C3orf70: variants seen among roughly 807,000 people sequenced by gnomAD.
C3orf70 encodes UPF0524 protein C3orf70.
C3orf70 carries 15 observed loss-of-function variants against 20.7 expected under a neutral mutation model. The observed-to-expected ratio is 0.72, with a 90% CI of 0.48 to 1.11. The LOEUF is 1.11. C3orf70 is among the 50% of genes most tolerant of loss of function. The pLI is 0.00. For missense variants in C3orf70, 332 were observed against 317.6 expected (o/e 1.05, Z -0.34); for synonymous variants, 161 against 125.7 (o/e 1.28, Z -1.88).
intron 1 of C3orf70, among the ~76,000 whole-genome samples, chr3:185,141,436 C>T (rs1337153026): frequency 6.6e-6 from 1 of 151,058 alleles, no homozygotes; most frequent in African/African-American, 2.4e-5. Context: ...GAAATGAAGA[C>T]TATGTTCAAG....
At chr3:185,146,814 A>G (rs1716886713) in intron 1 of C3orf70, among the ~76,000 whole-genome samples, 1 of 152,218 alleles carries the variant, frequency 6.6e-6, no homozygotes, top group South Asian at 2.1e-4. Flanking sequence ...TAGAAGCACA[A>G]AAACAGAATA....
rs573316833 is a variant in C3orf70 at position 185,135,879 on chromosome 3, A to G, written c.196+16749T>C. On this transcript the variant is annotated intron_variant, in intron 1 of 1. Coordinates refer to ENST00000335012, the MANE Select transcript of C3orf70 (RefSeq NM_001025266.3). ...TGGAATTCAAAAAAATGTTCAAATA[A>G]ATCACATGAAGGCAGGAAAAAGAAA... Among the ~76,000 whole-genome samples, 7 of 152,310 alleles carry G rather than the reference A, an allele frequency of 4.6e-5. No individual in the cohort carries two copies. In the South Asian group the frequency reaches 1.5e-3, roughly 32 times the overall value.
chr3:185,086,179 C>T (rs1715455803), intron 1 of C3orf70, among the ~76,000 whole-genome samples: 1 of 151,982 alleles, frequency 6.6e-6, no homozygotes, highest in African/African-American at 2.4e-5. Context: ...TGGGACTTTC[C>T]TCACTCCATC....
chr3:185,096,455 G>A (rs1018577826), intron 1 of C3orf70, among the ~76,000 whole-genome samples: 1 of 152,144 alleles, frequency 6.6e-6, no homozygotes, highest in African/African-American at 2.4e-5. Flanking sequence ...AGAGAAAAAA[G>A]GGGTCCAGAG....
intron 1 of C3orf70, among the ~76,000 whole-genome samples, chr3:185,095,366 A>G (rs1054549293): frequency 1.3e-5 from 2 of 152,234 alleles, no homozygotes; most frequent in Non-Finnish European, 2.9e-5. Flanking sequence ...GTTTCCTGCC[A>G]TTGCTCTAGC....
At position 185,083,164 on chromosome 3, in the gene C3orf70, T is replaced by C; in HGVS notation, c.596A>G (p.Tyr199Cys). The change falls in exon 2 of 2, where the codon TAT (tyrosine) becomes TGT (cysteine). Residue 199 changes from tyrosine to cysteine, a missense_variant. Tyr to Cys is a radical substitution (Grantham distance 194, BLOSUM62 -2). Coordinates refer to ENST00000335012, the MANE Select transcript of C3orf70 (RefSeq NM_001025266.3). The part of the protein sequence containing the change: ...DSGINAIGAH[Y>C]VESCDEDTEE... ...TGTGTCCTCGTCACACGATTCCACA[T>C]AGTGAGCCCCAATCGCATTGATCCC... is the stretch of plus-strand genomic sequence containing the variant. 6.2e-7 allele frequency: 1 copy of C among 1,614,120 alleles called. No homozygotes were observed. Among genetic ancestry groups the C allele is most frequent in the Non-Finnish European group, 8.5e-7 (1 of 1,180,016 alleles).
At chr3:185,099,716 C>T (rs750342842) in intron 1 of C3orf70, among the ~76,000 whole-genome samples, 1 of 152,192 alleles carries the variant, frequency 6.6e-6, no homozygotes, top group African/African-American at 2.4e-5. Flanking sequence ...CATGTCAATA[C>T]TAACCTTGAA....
intron 1 of C3orf70, among the ~76,000 whole-genome samples, chr3:185,098,498 G>C (rs1715755588): frequency 1.3e-5 from 2 of 152,296 alleles, no homozygotes; most frequent in South Asian, 4.1e-4. Flanking sequence ...GTAGGTCCTA[G>C]AGCCTATTGA....
intron 1 of C3orf70, among the ~76,000 whole-genome samples, chr3:185,112,525 T>G (rs1716095413): frequency 6.6e-6 from 1 of 152,210 alleles, no homozygotes; most frequent in Non-Finnish European, 1.5e-5. Flanking sequence ...TTAAGCCAAG[T>G]TTTTCAACAA....
intron 1 of C3orf70, among the ~76,000 whole-genome samples, chr3:185,146,503 G>A (rs903366596): frequency 3.3e-4 from 50 of 151,950 alleles, no homozygotes; most frequent in African/African-American, 1.2e-3. Context: ...GGCCAGGCTG[G>A]TCTCGAACTC....
intron 1 of C3orf70, among the ~76,000 whole-genome samples, chr3:185,095,612 C>T (rs1715683849): frequency 6.6e-6 from 1 of 152,122 alleles, no homozygotes; most frequent in Admixed American, 6.5e-5. Flanking sequence ...AACTCAGAGA[C>T]TCAACATGTT....
At chr3:185,112,253 G>A (rs936656504) in intron 1 of C3orf70, among the ~76,000 whole-genome samples, 7 of 152,212 alleles carry the variant, frequency 4.6e-5, no homozygotes, top group African/African-American at 1.4e-4. Context: ...TCACACCACT[G>A]CATTCCAGCC....
At chr3:185,115,488 C>T (rs1716156287) in intron 1 of C3orf70, among the ~76,000 whole-genome samples, 1 of 152,194 alleles carries the variant, frequency 6.6e-6, no homozygotes, top group Admixed American at 6.5e-5. Context: ...TGGCATAAAA[C>T]TCTTGGCCCC....
chr3:185,135,857 A>C (rs960792183), intron 1 of C3orf70, among the ~76,000 whole-genome samples: 10 of 152,220 alleles, frequency 6.6e-5, no homozygotes, highest in Admixed American at 6.5e-4. Context: ...TTCAAAATGG[A>C]ATTCAAAAAA....
intron 1 of C3orf70, among the ~76,000 whole-genome samples, chr3:185,120,033 A>AAAAAAAAAAAAGAAAG (rs55921240): frequency 9.9e-6 from 1 of 100,744 alleles, no homozygotes; most frequent in Non-Finnish European, 1.8e-5. Context: ...AAAAAAAAAA[A>AAAAAAAAAAAAGAAAG]AAAAAGAAAA....
intron 1 of C3orf70, among the ~76,000 whole-genome samples, chr3:185,152,262 A>G (rs116434152): frequency 1.5e-3 from 228 of 152,312 alleles, no homozygotes; most frequent in African/African-American, 5.5e-3. Flanking sequence ...GCTGTCGCCA[A>G]CTCAGCTGGC....
intron 1 of C3orf70, among the ~76,000 whole-genome samples, chr3:185,110,696 C>T (rs76548180): frequency 0.052 from 7,896 of 152,266 alleles, 662 homozygotes; most frequent in African/African-American, 0.18. Flanking sequence ...CCTGGCCCAC[C>T]CAGGGCGGAA....
chr3:185,112,129 TA>T (rs1561346865), intron 1 of C3orf70, among the ~76,000 whole-genome samples: 1 of 151,644 alleles, frequency 6.6e-6, no homozygotes, highest in Non-Finnish European at 1.5e-5. Context: ...TGTCTCTACT[TA>T]AAATACAAAA....
chr3:185,137,204 C>T (rs150129677), intron 1 of C3orf70, among the ~76,000 whole-genome samples: 2 of 152,284 alleles, frequency 1.3e-5, no homozygotes, highest in East Asian at 1.9e-4. Flanking sequence ...CGTTGTCCAC[C>T]GCCATCCACG....
Sources: gnomAD v4.1 joint callset for allele counts (sites outside exome capture counted in the v4.1 genomes callset) on GRCh38, gnomAD v4.1.1 for gene constraint, MANE v1.5 for transcripts, NCBI Gene and HGNC (gene_info 2026-07-23, HGNC 2026-07-21) for gene names.